The following ACSF2 variants were observed in gnomAD, a reference collection of about 807,000 sequenced individuals.
ACSF2 encodes acyl-CoA synthetase family member 2, also known as medium-chain acyl-CoA ligase ACSF2, mitochondrial.
Under a neutral mutation model 79.3 loss-of-function variants are expected in ACSF2, and 52 were observed. The ratio of observed to expected loss-of-function variants is 0.66; its 90% CI spans 0.53 to 0.83. The LOEUF (loss-of-function observed/expected upper bound fraction) is 0.83, where lower values mean the gene tolerates loss of function less well. Among genes scored for constraint, ACSF2 ranks in the 40% least tolerant of loss-of-function variants. The pLI is 0.00. For synonymous variants in ACSF2, 283 were observed against 312.6 expected, an observed-to-expected ratio of 0.91 and a Z score of 1.00; for missense variants, 661 against 803.3, an observed-to-expected ratio of 0.82 and a Z score of 2.14.
At chr17:50,432,662 G>C (rs1179386273) in intron 1 of ACSF2, among the ~76,000 whole-genome samples, 1 of 152,208 alleles carries the variant, frequency 6.6e-6, no homozygotes, top group Non-Finnish European at 1.5e-5. Context: ...AACTAAACAT[G>C]TTGTATTTCT....
intron 1 of ACSF2, among the ~76,000 whole-genome samples, chr17:50,455,666 C>G (rs936598055): frequency 5.3e-5 from 8 of 152,184 alleles, no homozygotes; most frequent in Non-Finnish European, 1.0e-4. Context: ...CCTGAGCAGG[C>G]AGCAGACTCC....
Position 50,426,296 on chromosome 17 carries a change from G to A in ACSF2, c.35G>A (p.Arg12Lys). The change falls in exon 1 of 16, where the codon AGG (arginine) becomes AAG (lysine). Residue 12 changes from arginine to lysine, a missense_variant. Physicochemically the swap from Arg to Lys is conservative, Grantham distance 26. Coordinates refer to ENST00000300441, the MANE Select transcript of ACSF2 (RefSeq NM_025149.6). Reference sequence around the variant, plus strand: ...TACGTCGGGATGCTGCGCCTGGGGAGGCTGTGCGCCGGGAGCTCGGGGGTG... The same window carrying A: ...TACGTCGGGATGCTGCGCCTGGGGAAGCTGTGCGCCGGGAGCTCGGGGGTG... ...AVYVGMLRLGRLCAGSSGVLG... is the reference protein window; with the variant it reads ...AVYVGMLRLGKLCAGSSGVLG... 2 of 1,415,818 alleles carry A rather than the reference G, an allele frequency of 1.4e-6. No individual in the cohort carries two copies. The highest frequency in any genetic ancestry group is 3.3e-5 in the South Asian group (2 of 60,532). 87.7% of individuals were successfully genotyped at this position (1,415,818 alleles called of 1,614,324 possible).
At chr17:50,458,148 GC>G (rs1181871281) in intron 1 of ACSF2, among the ~76,000 whole-genome samples, 2 of 152,190 alleles carry the variant, frequency 1.3e-5, no homozygotes, top group Non-Finnish European at 2.9e-5. Flanking sequence ...GGAGGGATCA[GC>G]CCATAAACAC....
At chr17:50,473,612 C>A in intron 12 of ACSF2, 53 bp from the exon 13 acceptor site, 1 of 1,611,648 alleles carries the variant, frequency 6.2e-7, no homozygotes, top group South Asian at 1.1e-5. Flanking sequence ...ACTGAGCAAG[C>A]AAGTGAGTGA....
intron 1 of ACSF2, among the ~76,000 whole-genome samples, chr17:50,457,155 C>T (rs1303059422): frequency 6.6e-6 from 1 of 152,208 alleles, no homozygotes; most frequent in African/African-American, 2.4e-5. Flanking sequence ...ACTGCGTGTC[C>T]TCACTGGCCT....
chr17:50,433,372 T>C (rs1272398519), intron 1 of ACSF2, among the ~76,000 whole-genome samples: 1 of 152,168 alleles, frequency 6.6e-6, no homozygotes, highest in Admixed American at 6.5e-5. Context: ...TCCAAAATGC[T>C]GGGATTACTG....
chr17:50,469,065 G>A (rs1463807850), intron 10 of ACSF2: 16 of 1,270,184 alleles, frequency 1.3e-5, no homozygotes, highest in East Asian at 3.4e-5. Flanking sequence ...ATGAGGGGGT[G>A]GGACCGTGGC....
In ACSF2 at chr17:50,463,309, G is replaced by A. The variant is rs895679344; in HGVS notation, c.888+58G>A. On this transcript the variant is annotated intron_variant, in intron 7 of 15. Transcript: ENST00000300441. The surrounding 1 kb of genome is among the most constrained non-coding windows in gnomAD (Gnocchi z 4.6). ...AGGAGGGGTGGCTCAGGCAGGGGTG[G>A]GGGGCTGGCTGGGCTCCCCTTGCCA... 6.2e-7 allele frequency: 1 copy of A among 1,611,356 alleles called. No individual in the cohort carries two copies. The highest frequency in any genetic ancestry group is 1.7e-5 in the Admixed American group (1 of 59,902).
chr17:50,426,328 G>T lies in ACSF2; in HGVS notation c.67G>T (p.Ala23Ser). Residue 23 changes from alanine (A) to serine (S), a missense_variant, in exon 1 of 16, where the codon GCC becomes TCC. Ala to Ser is a moderately conservative substitution (Grantham distance 99). Transcript: ENST00000300441. The stretch of plus-strand genomic sequence containing the variant: ...CGCCGGGAGCTCGGGGGTGCTGGGG[G>T]CCCGGGCCGCCCTCTCTCGGAGTTG... Reference protein sequence around the residue: ...LCAGSSGVLGARAALSRSWQE... With the variant: ...LCAGSSGVLGSRAALSRSWQE... The T allele has an allele frequency of 7.0e-7, 1 of 1,420,676 alleles. No homozygotes were observed. Among genetic ancestry groups the T allele is most frequent in the Non-Finnish European group, 9.3e-7 (1 of 1,080,548 alleles). The allele number at this position is 1,420,676 out of a possible 1,614,324, so 88.0% of individuals were successfully genotyped here.
intron 1 of ACSF2, among the ~76,000 whole-genome samples, chr17:50,449,559 C>T (rs1489584221): frequency 2.6e-5 from 4 of 151,682 alleles, no homozygotes; most frequent in African/African-American, 9.7e-5. Flanking sequence ...CGCCCGCCAC[C>T]ACGCCCGGCT....
intron 1 of ACSF2, among the ~76,000 whole-genome samples, chr17:50,456,680 C>T (rs1290176026): frequency 6.6e-6 from 1 of 151,428 alleles, no homozygotes; most frequent in Non-Finnish European, 1.5e-5. Flanking sequence ...TGTGGTGAGC[C>T]GAGATCACGC....
At chr17:50,445,892 T>A (rs2031269050) in intron 1 of ACSF2, among the ~76,000 whole-genome samples, 1 of 152,180 alleles carries the variant, frequency 6.6e-6, no homozygotes, top group Non-Finnish European at 1.5e-5. Flanking sequence ...TGAACAACTA[T>A]GCATCATCAG....
chr17:50,456,167 C>T (rs921586734), intron 1 of ACSF2, among the ~76,000 whole-genome samples: 2 of 152,216 alleles, frequency 1.3e-5, no homozygotes, highest in African/African-American at 4.8e-5. Context: ...GCCTGACACG[C>T]CCCAACCCCA....
chr17:50,442,362 T>C (rs1375911202), intron 1 of ACSF2, among the ~76,000 whole-genome samples: 2 of 146,216 alleles, frequency 1.4e-5, no homozygotes, highest in Non-Finnish European at 3.0e-5. Flanking sequence ...CTGGGTCTGC[T>C]ATATTGCCCA....
In ACSF2 at chr17:50,429,472, C is replaced by T. The variant is rs572412593; in HGVS notation, c.128+3083C>T. Among the ~76,000 whole-genome samples the T allele has an allele frequency of 2.8e-4, 42 of 151,480 alleles. No homozygotes were observed. In the South Asian group the frequency reaches 6.9e-3, roughly 25 times the overall value. On this transcript the variant is annotated intron_variant, in intron 1 of 15. Transcript: ENST00000300441. Reference sequence around the variant, plus strand: ...ATGTCCAGTCCTTGGGTCTGCTGGACGTCCTCCTCTCCGTTTGACGCAGGG... The same window carrying T: ...ATGTCCAGTCCTTGGGTCTGCTGGATGTCCTCCTCTCCGTTTGACGCAGGG...
chr17:50,471,172 C>T lies in ACSF2; in HGVS notation c.1323+37C>T, dbSNP rs372906208. ...ACCAAGACTCCAAAGTCCCACCTCC[C>T]GTCACCCAGCTGGGGTGCACCCAGC... On this transcript the variant is annotated intron_variant, in intron 11 of 15. Coordinates refer to ENST00000300441, the MANE Select transcript of ACSF2 (RefSeq NM_025149.6). The surrounding 1 kb of genome is among the most constrained non-coding windows in gnomAD (Gnocchi z 4.1). 1.9e-5 allele frequency: 30 copies of T among 1,572,988 alleles called. No individual in the cohort carries two copies. Among genetic ancestry groups the T allele is most frequent in the Non-Finnish European group, 2.4e-5 (27 of 1,143,058 alleles).
chr17:50,462,148 C>T lies in ACSF2; in HGVS notation c.508-36C>T, dbSNP rs769358469. ...CCCCCAGAGCTCTAGTCTGGGGCTCCCCGCTGACTGGAGGTGGGGGACTCC... is the reference window on the plus strand; with the variant it reads ...CCCCCAGAGCTCTAGTCTGGGGCTCTCCGCTGACTGGAGGTGGGGGACTCC... On this transcript the variant is annotated intron_variant, in intron 4 of 15. Transcript: ENST00000300441. 3 of 1,596,098 alleles carry T rather than the reference C, an allele frequency of 1.9e-6. No homozygotes were observed. In the East Asian group the frequency reaches 6.7e-5, roughly 36 times the overall value.
intron 10 of ACSF2, chr17:50,465,361 G>A: frequency 1.9e-6 from 3 of 1,614,082 alleles, no homozygotes; most frequent in African/African-American, 1.3e-5. Context: ...AGGCGTCCGT[G>A]TCACGGATGT....
chr17:50,436,760 G>T (rs2030465628), intron 1 of ACSF2, among the ~76,000 whole-genome samples: 1 of 149,404 alleles, frequency 6.7e-6, no homozygotes, highest in Non-Finnish European at 1.5e-5. Flanking sequence ...TTTTTCCTGA[G>T]GCTCTTTTTA....
Sources: allele counts gnomAD v4.1 joint callset (sites outside exome capture counted in the v4.1 genomes callset), GRCh38; gene constraint gnomAD v4.1.1; non-coding constraint Gnocchi (gnomAD v3.1); transcripts MANE v1.5; gene names NCBI Gene and HGNC (gene_info 2026-07-23, HGNC 2026-07-21).